MCHR2: variants seen among roughly 807,000 people sequenced by gnomAD.
The protein encoded by MCHR2 is melanin-concentrating hormone receptor 2.
A neutral mutation model predicts 24.8 loss-of-function variants in MCHR2; 15 were observed. That is an observed-to-expected ratio of 0.60 (90% CI 0.40 to 0.93). The LOEUF is 0.93. MCHR2 is among the 40% of genes least tolerant of loss of function. MCHR2 has a pLI of 0.00. For synonymous variants in MCHR2, 151 were observed against 147.6 expected, an observed-to-expected ratio of 1.02 and a Z score of -0.17; for missense variants, 386 against 408.7, an observed-to-expected ratio of 0.94 and a Z score of 0.48.
intron 2 of MCHR2, among the ~76,000 whole-genome samples, chr6:99,948,833 A>G (rs1437030157): frequency 6.6e-6 from 1 of 152,170 alleles, no homozygotes; most frequent in Non-Finnish European, 1.5e-5. Flanking sequence ...TAAGATTTCA[A>G]CAATGACTTA....
chr6:99,935,207 T>C lies in MCHR2; in HGVS notation c.588-690A>G, dbSNP rs910307260. Among the ~76,000 whole-genome samples the C allele has an allele frequency of 9.2e-5, 14 of 152,202 alleles. No individual in the cohort carries two copies. In the East Asian group the frequency reaches 2.5e-3, roughly 27 times the overall value. ...CCTTAAATATTTGTCTTTTTAAAAA[T>C]GCTAGAAACATTCAAATTATTCTCT... On this transcript the variant is annotated intron_variant, in intron 4 of 5. Transcript: ENST00000281806.
intron 1 of MCHR2, among the ~76,000 whole-genome samples, chr6:99,971,180 C>G (rs1775409931): frequency 6.6e-6 from 1 of 152,168 alleles, no homozygotes; most frequent in Non-Finnish European, 1.5e-5. Context: ...AATATTGATT[C>G]TTCCTACCCA....
intron 4 of MCHR2, among the ~76,000 whole-genome samples, chr6:99,941,934 CTATT>C (rs1269692518): frequency 1.3e-5 from 2 of 151,974 alleles, no homozygotes; most frequent in African/African-American, 4.8e-5. Context: ...AATGACTTAT[CTATT>C]TGACAAGTGA....
At chr6:99,966,736 TTTAAA>T (rs1266528925) in intron 1 of MCHR2, among the ~76,000 whole-genome samples, 1 of 152,186 alleles carries the variant, frequency 6.6e-6, no homozygotes, top group Non-Finnish European at 1.5e-5. Context: ...AGCATTAGTA[TTTAAA>T]TTATGTTCAT....
chr6:99,976,663 TG>T lies in MCHR2; in HGVS notation c.-28+17272del, dbSNP rs1316452380. Among the ~76,000 whole-genome samples, 13 of 9,280 alleles carry T rather than the reference TG, an allele frequency of 1.4e-3. 1 individual carries two copies. Among genetic ancestry groups the T allele is most frequent in the African/African-American group, 2.2e-3 (11 of 5,050 alleles). The allele number at this position is 9,280 out of a possible 152,430, so 6.1% of individuals were successfully genotyped here. On this transcript the variant is annotated intron_variant, in intron 1 of 5. Coordinates refer to ENST00000281806, the MANE Select transcript of MCHR2 (RefSeq NM_001040179.2). ...TTTACAGTGCTCCCCAGCTACCTCATGTTTGCCAATGCACCCACCTGGACCT... is the reference window on the plus strand; with the variant it reads ...TTTACAGTGCTCCCCAGCTACCTCATTTTGCCAATGCACCCACCTGGACCT...
chr6:99,983,318 C>G (rs1775707813), intron 1 of MCHR2, among the ~76,000 whole-genome samples: 1 of 152,170 alleles, frequency 6.6e-6, no homozygotes, highest in Non-Finnish European at 1.5e-5. Context: ...TGTTTTCACT[C>G]CTGAGTCCTC....
At position 99,920,928 on chromosome 6, in the gene MCHR2, C is replaced by A. The variant is rs1371282574; in HGVS notation, c.*12G>T. The A allele has an allele frequency of 1.9e-6, 3 of 1,611,446 alleles. No individual in the cohort carries two copies. Among genetic ancestry groups the A allele is most frequent in the Admixed American group, 3.3e-5 (2 of 59,854 alleles). On this transcript the variant is annotated 3_prime_UTR_variant, in exon 6 of 6. Coordinates refer to ENST00000281806, the MANE Select transcript of MCHR2 (RefSeq NM_001040179.2). ...CAATCATGTCTAGACTCATGGTGAT[C>A]CATGTACTTTCCTAAAAGTGTGATT... is the stretch of plus-strand genomic sequence containing the variant.
chr6:99,963,305 T>A (rs1372877682), intron 1 of MCHR2, among the ~76,000 whole-genome samples: 1 of 152,058 alleles, frequency 6.6e-6, no homozygotes, highest in Non-Finnish European at 1.5e-5. Flanking sequence ...AGTTTACACA[T>A]ACAATGGAAT....
intron 2 of MCHR2, among the ~76,000 whole-genome samples, chr6:99,952,478 TG>T (rs1210263423): frequency 1.3e-5 from 2 of 152,154 alleles, no homozygotes; most frequent in African/African-American, 2.4e-5. Context: ...TGATGAACAA[TG>T]GTTTTGATAC....
chr6:99,983,820 A>AT (rs1214715275), intron 1 of MCHR2, among the ~76,000 whole-genome samples: 6 of 152,162 alleles, frequency 3.9e-5, no homozygotes, highest in East Asian at 3.9e-4. Context: ...TATTTAAGGG[A>AT]TTTTTTTCTA....
At chr6:99,942,138 A>G (rs959362091) in intron 4 of MCHR2, among the ~76,000 whole-genome samples, 1 of 152,196 alleles carries the variant, frequency 6.6e-6, no homozygotes, top group Non-Finnish European at 1.5e-5. Context: ...TGGTAGTTGC[A>G]TTAGTTTCCT....
At chr6:99,933,189 C>G (rs117211954) in intron 5 of MCHR2, among the ~76,000 whole-genome samples, 2,251 of 152,160 alleles carry the variant, frequency 0.015, 25 homozygotes, top group Non-Finnish European at 0.023. Flanking sequence ...AGCTAAAAAT[C>G]ATTTGATTCC....
chr6:99,969,461 A>G (rs1405401419), intron 1 of MCHR2, among the ~76,000 whole-genome samples: 3 of 132,070 alleles, frequency 2.3e-5, no homozygotes. Context: ...TGAGAAGAGC[A>G]AGACTCCATC....
At chr6:99,939,852 C>T (rs1162160016) in intron 4 of MCHR2, among the ~76,000 whole-genome samples, 2 of 136,726 alleles carry the variant, frequency 1.5e-5, no homozygotes, top group African/African-American at 5.5e-5. Flanking sequence ...GTGCTGGATG[C>T]AATATCTTGG....
chr6:99,961,190 GA>G (rs955366745), intron 1 of MCHR2, among the ~76,000 whole-genome samples: 1 of 147,292 alleles, frequency 6.8e-6, no homozygotes, highest in African/African-American at 2.5e-5. Context: ...CTCAAAAGAA[GA>G]AAAAAAAAGC....
chr6:99,981,291 T>C (rs1304690133), intron 1 of MCHR2, among the ~76,000 whole-genome samples: 1 of 152,178 alleles, frequency 6.6e-6, no homozygotes, highest in Non-Finnish European at 1.5e-5. Flanking sequence ...AGAATTGAGA[T>C]AAAATTGACT....
chr6:99,947,519 C>T (rs1026123553), intron 3 of MCHR2, among the ~76,000 whole-genome samples: 4 of 151,954 alleles, frequency 2.6e-5, no homozygotes, highest in Non-Finnish European at 5.9e-5. Context: ...CACTGAATTG[C>T]AAATAAAACT....
At chr6:99,922,349 C>T (rs1054988715) in intron 5 of MCHR2, among the ~76,000 whole-genome samples, 2 of 152,038 alleles carry the variant, frequency 1.3e-5, no homozygotes, top group Non-Finnish European at 2.9e-5. Context: ...CCTCGCGATC[C>T]GCCCGCCTCG....
intron 1 of MCHR2, among the ~76,000 whole-genome samples, chr6:99,972,296 G>T (rs1484307214): frequency 6.6e-6 from 1 of 152,192 alleles, no homozygotes; most frequent in Non-Finnish European, 1.5e-5. Context: ...TTGGGAGGGT[G>T]TATGTGTCGA....
Sources: gnomAD v4.1 joint callset for allele counts (sites outside exome capture counted in the v4.1 genomes callset) on GRCh38, gnomAD v4.1.1 for gene constraint, MANE v1.5 for transcripts, NCBI Gene and HGNC (gene_info 2026-07-23, HGNC 2026-07-21) for gene names.